The following FRYL variants were observed in gnomAD, a reference collection of about 807,000 sequenced individuals.
FRYL encodes FRY like transcription coactivator.
In FRYL, 150 loss-of-function variants were observed where a neutral mutation model predicts 351.2. The ratio of observed to expected loss-of-function variants is 0.43; its 90% confidence interval spans 0.37 to 0.49. The LOEUF is 0.49. Among genes scored for constraint, FRYL ranks in the 20% least tolerant of loss-of-function variants. The pLI, the probability that FRYL is intolerant of heterozygous loss-of-function variation, is 0.00. For missense variants in FRYL, 3,036 were observed against 3,619.3 expected (o/e 0.84, Z 4.13); for synonymous variants, 1,153 against 1,257.1 (o/e 0.92, Z 1.75).
chr4:48,505,622 A>G lies in FRYL; in HGVS notation c.8395-7T>C. ...TCTTACAATCATCTAGCCACTAAAA[A>G]TAAGTAACAGTAACGTTTAATATGC... On this transcript the variant is annotated splice_polypyrimidine_tract_variant and splice_region_variant and intron_variant, in intron 59 of 63. Coordinates refer to ENST00000358350, the MANE Select transcript of FRYL (RefSeq NM_015030.2). 1.3e-6 allele frequency: 2 copies of G among 1,592,014 alleles called. No homozygotes were observed. Among genetic ancestry groups the G allele is most frequent in the Non-Finnish European group, 1.7e-6 (2 of 1,161,392 alleles).
Position 48,498,587 on chromosome 4 carries a change from G to A in FRYL, c.*835C>T, listed in dbSNP as rs746061468. 2.6e-5 allele frequency: 4 copies of A among 152,614 alleles called. No homozygotes were observed. Among genetic ancestry groups the A allele is most frequent in the Non-Finnish European group, 5.9e-5 (4 of 68,036 alleles). The allele number at this position is 152,614 out of a possible 1,614,324, so 9.5% of individuals were successfully genotyped here. On this transcript the variant is annotated 3_prime_UTR_variant, in exon 64 of 64. Transcript: ENST00000358350. ...TAACATAAGCACTGATCAGAGAACT[G>A]AGCAGCATTCCAATAACGTTAACAG...
chr4:48,747,165 C>CCG (rs1441539072), intron 1 of FRYL, among the ~76,000 whole-genome samples: 1 of 150,436 alleles, frequency 6.6e-6, no homozygotes. Context: ...TCCCCTATCC[C>CCG]CCCCCAAAAA....
rs566960026 is a variant in FRYL, at chr4:48,576,328, G to A, written c.2529-106C>T. ...TCTTTTTTTTTTTTTTTGAGACAGA[G>A]TGTCACTCTGTCACCCAGGCCGGAG... On this transcript the variant is annotated intron_variant, in intron 23 of 63. Transcript: ENST00000358350. The A allele has an allele frequency of 1.1e-3, 965 of 841,794 alleles. 3 individuals carry two copies. The highest frequency in any genetic ancestry group is 1.3e-3 in the Non-Finnish European group (763 of 582,672). 52.1% of individuals were successfully genotyped at this position (841,794 alleles called of 1,614,324 possible).
At chr4:48,551,967 C>A (rs1732871236) in intron 36 of FRYL, among the ~76,000 whole-genome samples, 1 of 152,102 alleles carries the variant, frequency 6.6e-6, no homozygotes, top group Non-Finnish European at 1.5e-5. Context: ...TAACTGGTTC[C>A]CCAAATCTAC....
At chr4:48,622,593 T>C (rs1482144075) in intron 5 of FRYL, among the ~76,000 whole-genome samples, 2 of 152,134 alleles carry the variant, frequency 1.3e-5, no homozygotes, top group Non-Finnish European at 2.9e-5. Flanking sequence ...TAATTTTGGG[T>C]AAAGTGTCCC....
At chr4:48,672,453 C>T (rs969507592) in intron 3 of FRYL, among the ~76,000 whole-genome samples, 8 of 152,154 alleles carry the variant, frequency 5.3e-5, no homozygotes, top group Non-Finnish European at 1.0e-4. Flanking sequence ...AAAAGTACTC[C>T]GAAGACCCTC....
intron 7 of FRYL, chr4:48,617,521 T>C (rs949159103): frequency 6.6e-6 from 1 of 151,954 alleles, no homozygotes; most frequent in Non-Finnish European, 1.5e-5. Flanking sequence ...GATAATTTTT[T>C]AATTTTTTTA....
intron 26 of FRYL, 32 bp downstream of exon 26, chr4:48,573,154 T>C (rs766040538): frequency 6.5e-7 from 1 of 1,531,572 alleles, no homozygotes; most frequent in Non-Finnish European, 9.0e-7. Context: ...AAATGAATGT[T>C]CACTAATACA....
intron 3 of FRYL, among the ~76,000 whole-genome samples, chr4:48,663,741 C>A (rs1177864738): frequency 8.0e-6 from 1 of 124,626 alleles, no homozygotes; most frequent in Non-Finnish European, 1.6e-5. Context: ...CGCCACTGCA[C>A]TGCAGCCTGG....
At chr4:48,660,486 G>A (rs1305242888) in intron 3 of FRYL, among the ~76,000 whole-genome samples, 1 of 152,012 alleles carries the variant, frequency 6.6e-6, no homozygotes, top group Non-Finnish European at 1.5e-5. Context: ...TTTCCTCCTG[G>A]GCATCTAAAA....
At chr4:48,662,300 C>CT (rs761003453) in intron 3 of FRYL, among the ~76,000 whole-genome samples, 24 of 151,898 alleles carry the variant, frequency 1.6e-4, no homozygotes, top group Non-Finnish European at 2.9e-4. Context: ...AAATTAGGAC[C>CT]TGTAGCCCTA....
Position 48,553,368 on chromosome 4 carries a change from C to T in FRYL, c.4282G>A (p.Val1428Ile), listed in dbSNP as rs775733460. ...ATTGTTTTATCTCTACCTAAATATACAATGACCTTCTTCACCTGTCACAAA... is the reference window on the plus strand; with the variant it reads ...ATTGTTTTATCTCTACCTAAATATATAATGACCTTCTTCACCTGTCACAAA... ...SLLPYVKKVI[V>I]YLGRDKTMQL... The change falls in exon 36 of 64, where the codon GTA becomes ATA. Residue 1428 changes from valine (V) to isoleucine (I), a missense_variant. Coordinates refer to ENST00000358350, the MANE Select transcript of FRYL (RefSeq NM_015030.2). The T allele has an allele frequency of 2.5e-6, 4 of 1,609,306 alleles. No homozygotes were observed. In the South Asian group the frequency reaches 4.4e-5, roughly 18 times the overall value.
intron 1 of FRYL, among the ~76,000 whole-genome samples, chr4:48,764,916 C>T (rs1774794084): frequency 6.6e-6 from 1 of 152,158 alleles, no homozygotes; most frequent in Non-Finnish European, 1.5e-5. Flanking sequence ...ACCATCTTGG[C>T]TCACTGCAAC....
chr4:48,555,257 T>C (rs1733812606), intron 35 of FRYL, among the ~76,000 whole-genome samples: 2 of 152,218 alleles, frequency 1.3e-5, no homozygotes, highest in Admixed American at 6.5e-5. Flanking sequence ...ATCCAATTAA[T>C]GGGCACCTTC....
intron 49 of FRYL, among the ~76,000 whole-genome samples, chr4:48,533,107 A>C: frequency 6.6e-6 from 1 of 152,138 alleles, no homozygotes; most frequent in East Asian, 1.9e-4. Context: ...GGGAGTGTGC[A>C]GTTCACTTAG....
intron 3 of FRYL, chr4:48,653,800 G>C (rs1758199863): frequency 1.6e-6 from 2 of 1,282,068 alleles, no homozygotes; most frequent in Non-Finnish European, 2.0e-6. Flanking sequence ...GTCTCAATCA[G>C]CTGCAAAAGC....
At chr4:48,614,346 A>G (rs532280732) in intron 7 of FRYL, among the ~76,000 whole-genome samples, 1 of 152,146 alleles carries the variant, frequency 6.6e-6, no homozygotes, top group East Asian at 1.9e-4. Context: ...CTTTAGCAAC[A>G]AGAATTTCTA....
chr4:48,719,026 C>CT (rs1769178762), intron 1 of FRYL, among the ~76,000 whole-genome samples: 1 of 151,604 alleles, frequency 6.6e-6, no homozygotes, highest in Admixed American at 6.6e-5. Context: ...AGTGGTCACT[C>CT]TAACTGATCT....
chr4:48,590,889 T>A (rs1743096949), intron 16 of FRYL, 59 bp from the exon 17 acceptor site: 1 of 1,329,042 alleles, frequency 7.5e-7, no homozygotes. Flanking sequence ...CTTTTTTGCA[T>A]GTTAGAAATA....
Sources: allele counts gnomAD v4.1 joint callset (sites outside exome capture counted in the v4.1 genomes callset), GRCh38; gene constraint gnomAD v4.1.1; transcripts MANE v1.5; gene names NCBI Gene and HGNC (gene_info 2026-07-23, HGNC 2026-07-21).